Variants in MRPS6 observed in about 807,000 individuals in gnomAD.
MRPS6 encodes the protein small ribosomal subunit protein bS6m.
In MRPS6, 6 loss-of-function variants were observed where a neutral mutation model predicts 13.1. The ratio of observed to expected loss-of-function variants is 0.46; its 90% CI spans 0.25 to 0.91. The LOEUF (loss-of-function observed/expected upper bound fraction) is 0.91. Among genes scored for constraint, MRPS6 ranks in the 40% least tolerant of loss-of-function variants. The pLI, the probability that MRPS6 is intolerant of heterozygous loss-of-function variation, is 0.18. For missense variants in MRPS6, 164 were observed against 155.6 expected, an observed-to-expected ratio of 1.05 and a Z score of -0.29; for synonymous variants, 61 against 56.5, an observed-to-expected ratio of 1.08 and a Z score of -0.36.
At position 34,075,325 on chromosome 21, in the gene MRPS6, T is replaced by C. The variant is rs182052729; in HGVS notation, c.45+1580T>C. Among the ~76,000 whole-genome samples, 16 of 152,340 alleles carry C rather than the reference T, an allele frequency of 1.1e-4. No individual in the cohort carries two copies. The East Asian group carries it at 2.1e-3, about 20-fold the overall frequency. On this transcript the variant is annotated intron_variant, in intron 1 of 2. Transcript: ENST00000399312. ...CCTTTGAAACCTTTGAAATGAAGAC[T>C]TGCCCTCCCCTTTGTTTTTGCCATA...
intron 2 of MRPS6, among the ~76,000 whole-genome samples, chr21:34,127,655 G>A (rs537127661): frequency 4.6e-5 from 7 of 152,342 alleles, no homozygotes; most frequent in African/African-American, 1.4e-4. Context: ...TTATGTGTCT[G>A]CAGTGTGGAG....
At chr21:34,133,544 G>C (rs962208832) in intron 2 of MRPS6, among the ~76,000 whole-genome samples, 15 of 152,344 alleles carry the variant, frequency 9.8e-5, no homozygotes, top group African/African-American at 3.1e-4. Flanking sequence ...GACAGCCCCA[G>C]AGGTGCTATT....
intron 1 of MRPS6, among the ~76,000 whole-genome samples, chr21:34,074,926 CCTCT>C (rs940743693): frequency 2.6e-4 from 39 of 152,268 alleles, no homozygotes; most frequent in African/African-American, 9.1e-4. Flanking sequence ...GACGCCAGTG[CCTCT>C]CTATGAGGTC....
intron 1 of MRPS6, chr21:34,100,235 T>C: frequency 1.0e-6 from 1 of 1,000,258 alleles, no homozygotes; most frequent in Non-Finnish European, 1.2e-6. Flanking sequence ...CTTAGACTTT[T>C]GTCTTCTCAG....
intron 1 of MRPS6, among the ~76,000 whole-genome samples, chr21:34,077,299 G>A (rs1448992550): frequency 6.6e-6 from 1 of 152,196 alleles, no homozygotes; most frequent in Non-Finnish European, 1.5e-5. Flanking sequence ...CACTTTTTAT[G>A]CCTTGGGTAT....
In MRPS6 at chr21:34,107,153, A is replaced by T. The variant is rs150154756; in HGVS notation, c.46-18188A>T. On this transcript the variant is annotated intron_variant, in intron 1 of 2. Coordinates refer to ENST00000399312, the MANE Select transcript of MRPS6 (RefSeq NM_032476.4). ...TGCCATGTTGGCCAGGCTGGTCTTG[A>T]GCTCCTGACCTCAGGTGATCCACCT... Among the ~76,000 whole-genome samples the T allele has an allele frequency of 7.9e-5, 12 of 152,238 alleles. No homozygotes were observed. The East Asian group carries it at 2.3e-3, about 29-fold the overall frequency.
intron 1 of MRPS6, among the ~76,000 whole-genome samples, chr21:34,114,990 G>T (rs1156394862): frequency 1.3e-5 from 2 of 152,128 alleles, no homozygotes; most frequent in African/African-American, 4.8e-5. Context: ...CCCTTGGATG[G>T]GTAAGTGTAG....
chr21:34,086,994 A>G (rs909333355), intron 1 of MRPS6, among the ~76,000 whole-genome samples: 6 of 152,174 alleles, frequency 3.9e-5, no homozygotes, highest in Non-Finnish European at 8.8e-5. Flanking sequence ...GCACACTAAG[A>G]GGTGGATGTC....
At chr21:34,099,183 C>G in intron 1 of MRPS6, 1 of 999,280 alleles carries the variant, frequency 1.0e-6, no homozygotes. Context: ...GCTTAGAGTG[C>G]CTTGTAGAAT....
chr21:34,074,035 G>T (rs907585899), intron 1 of MRPS6, among the ~76,000 whole-genome samples: 5 of 145,936 alleles, frequency 3.4e-5, no homozygotes, highest in African/African-American at 1.2e-4. Flanking sequence ...GACCGAGCGG[G>T]CCCCGACCCC....
chr21:34,091,616 A>G (rs1978698890), intron 1 of MRPS6, among the ~76,000 whole-genome samples: 2 of 151,936 alleles, frequency 1.3e-5, no homozygotes, highest in African/African-American at 4.8e-5. Context: ...CTCTATTTGG[A>G]TTAATTCTTC....
chr21:34,118,173 C>T (rs1979994536), intron 1 of MRPS6, among the ~76,000 whole-genome samples: 1 of 152,080 alleles, frequency 6.6e-6, no homozygotes, highest in Non-Finnish European at 1.5e-5. Flanking sequence ...CAGTTAGACC[C>T]TTGAACAGTG....
intron 1 of MRPS6, chr21:34,123,568 A>T (rs1980199180): frequency 6.6e-6 from 1 of 152,022 alleles, no homozygotes; most frequent in African/African-American, 2.4e-5. Context: ...TATGAAGATA[A>T]AATATGTAAC....
At chr21:34,074,262 A>G (rs954781586) in intron 1 of MRPS6, among the ~76,000 whole-genome samples, 10 of 151,926 alleles carry the variant, frequency 6.6e-5, no homozygotes, top group African/African-American at 2.4e-4. Flanking sequence ...CGCGCCCAAT[A>G]AAGCGTTCCT....
intron 1 of MRPS6, among the ~76,000 whole-genome samples, chr21:34,089,476 G>A (rs1315766465): frequency 5.3e-5 from 8 of 151,882 alleles, no homozygotes; most frequent in African/African-American, 1.9e-4. Context: ...TTATTTCTCT[G>A]AGATTTCTAT....
At chr21:34,086,349 A>G (rs1978376440) in intron 1 of MRPS6, among the ~76,000 whole-genome samples, 1 of 152,174 alleles carries the variant, frequency 6.6e-6, no homozygotes, top group Non-Finnish European at 1.5e-5. Flanking sequence ...GCATGCGTCC[A>G]TTTTGAAGTC....
chr21:34,098,020 T>A lies in MRPS6; in HGVS notation c.45+24275T>A, dbSNP rs969768207. On this transcript the variant is annotated intron_variant, in intron 1 of 2. Transcript: ENST00000399312. ...TTTTTTTTTCTTTCTACTTTCAAGT[T>A]TAAGTGAACCATACTGAAATGACCA... 12 of 999,416 alleles carry A rather than the reference T, an allele frequency of 1.2e-5. No individual in the cohort carries two copies. In the African/African-American group the frequency reaches 1.9e-4, roughly 16 times the overall value. The allele number at this position is 999,416 out of a possible 1,614,324, so 61.9% of individuals were successfully genotyped here. A position where few individuals can be genotyped will look rare whatever the true frequency, so the allele number is the denominator to read the frequency against.
chr21:34,104,213 T>C, intron 1 of MRPS6: 2 of 1,000,114 alleles, frequency 2.0e-6, no homozygotes, highest in Non-Finnish European at 2.4e-6. Context: ...CTGAAGCATA[T>C]TTGCTAGAGG....
chr21:34,092,493 T>C (rs5000991), intron 1 of MRPS6, among the ~76,000 whole-genome samples: 152,294 of 152,294 alleles, frequency 1, 76,147 homozygotes, highest in Non-Finnish European at 1. Context: ...AGGGTACTAT[T>C]TGGTACCTCT....
Sources: gnomAD v4.1 joint callset for allele counts (sites outside exome capture counted in the v4.1 genomes callset) on GRCh38, gnomAD v4.1.1 for gene constraint, MANE v1.5 for transcripts, NCBI Gene and HGNC (gene_info 2026-07-23, HGNC 2026-07-21) for gene names.